Variants in ATF3 observed in about 807,000 individuals in gnomAD.
ATF3 encodes activating transcription factor 3.
In ATF3, 10 loss-of-function variants were observed where a neutral mutation model predicts 18.4. The observed-to-expected ratio is 0.54, with a 90% CI of 0.34 to 0.92. ATF3 has a LOEUF of 0.92. Among genes scored for constraint, ATF3 ranks in the 40% least tolerant of loss-of-function variants. The probability of loss-of-function intolerance (pLI) is 0.02; values close to 1 mark genes in which losing one functional copy is unlikely to be tolerated. For synonymous variants in ATF3, 78 were observed against 87.9 expected (o/e 0.89, Z 0.63); for missense variants, 183 against 222.3 (o/e 0.82, Z 1.12).
At chr1:212,599,868 C>T (rs1224743562) in intron 1 of ATF3, among the ~76,000 whole-genome samples, 1 of 152,168 alleles carries the variant, frequency 6.6e-6, no homozygotes, top group Non-Finnish European at 1.5e-5. Flanking sequence ...TTCTCCTTAC[C>T]AGCCCTGCCT....
chr1:212,576,054 C>T (rs1339224927), intron 1 of ATF3, among the ~76,000 whole-genome samples: 1 of 152,126 alleles, frequency 6.6e-6, no homozygotes, highest in African/African-American at 2.4e-5. Context: ...CAGGGCTTAT[C>T]TATTTCTTAA....
At chr1:212,577,518 T>C (rs758161457) in intron 1 of ATF3, among the ~76,000 whole-genome samples, 2 of 152,138 alleles carry the variant, frequency 1.3e-5, no homozygotes, top group Non-Finnish European at 1.5e-5. Context: ...TCCTTCTAAC[T>C]GAAATCTTAT....
chr1:212,577,373 C>T (rs562020771), intron 1 of ATF3, among the ~76,000 whole-genome samples: 12 of 152,186 alleles, frequency 7.9e-5, no homozygotes, highest in African/African-American at 2.4e-4. Flanking sequence ...AGCTAATTAA[C>T]GTGTACATTA....
chr1:212,577,170 A>G (rs1036362451), intron 1 of ATF3, among the ~76,000 whole-genome samples: 2 of 152,208 alleles, frequency 1.3e-5, no homozygotes, highest in Admixed American at 1.3e-4. Flanking sequence ...TGCACTTTGA[A>G]CATATTACCC....
chr1:212,615,575 CA>C (rs1655087460), intron 2 of ATF3, among the ~76,000 whole-genome samples: 1 of 151,798 alleles, frequency 6.6e-6, no homozygotes. Context: ...TTTGAGAGGC[CA>C]AGATGGGATT....
At chr1:212,579,993 A>T (rs1664650843) in intron 1 of ATF3, among the ~76,000 whole-genome samples, 2 of 151,922 alleles carry the variant, frequency 1.3e-5, no homozygotes, top group Non-Finnish European at 2.9e-5. Context: ...AAAAAAAAAA[A>T]AAACTTAGCT....
chr1:212,576,703 ATTCTTTTCTT>A (rs1204199110), intron 1 of ATF3, among the ~76,000 whole-genome samples: 1 of 108,264 alleles, frequency 9.2e-6, no homozygotes. Context: ...ATTAAAAAAT[ATTCTTTTCTT>A]TTCTTTTCTT....
chr1:212,572,724 A>G (rs141207748), intron 1 of ATF3, among the ~76,000 whole-genome samples: 1 of 152,326 alleles, frequency 6.6e-6, no homozygotes, highest in African/African-American at 2.4e-5. Context: ...TCCCAATAGC[A>G]TTTTATAATT....
chr1:212,569,875 A>G (rs1346736744), intron 1 of ATF3, among the ~76,000 whole-genome samples: 1 of 152,158 alleles, frequency 6.6e-6, no homozygotes, highest in African/African-American at 2.4e-5. Context: ...ATATTTCCTC[A>G]AAAAGAATCA....
intron 1 of ATF3, among the ~76,000 whole-genome samples, chr1:212,566,110 G>A (rs1478490545): frequency 6.6e-6 from 1 of 152,162 alleles, no homozygotes; most frequent in African/African-American, 2.4e-5. Flanking sequence ...AGGTTAGAGA[G>A]GAAAAGCCCT....
intron 1 of ATF3, among the ~76,000 whole-genome samples, chr1:212,612,768 C>T (rs569103916): frequency 6.6e-6 from 1 of 152,048 alleles, no homozygotes; most frequent in African/African-American, 2.4e-5. Flanking sequence ...TGTTAGATCT[C>T]CAGGGGGAGT....
upstream of ATF3, among the ~76,000 whole-genome samples, chr1:212,606,394 G>A (rs978219799): frequency 6.6e-6 from 1 of 152,222 alleles, no homozygotes; most frequent in Non-Finnish European, 1.5e-5. Context: ...AGAGTAATTA[G>A]AATGAAGCAA....
At position 212,620,102 on chromosome 1, in the gene ATF3, C is replaced by G. The variant is rs1218563783; in HGVS notation, c.*547C>G. 1 of 168,978 alleles carries G rather than the reference C, an allele frequency of 5.9e-6. No individual in the cohort carries two copies. 10.5% of individuals were successfully genotyped at this position (168,978 alleles called of 1,614,324 possible). On this transcript the variant is annotated 3_prime_UTR_variant, in exon 4 of 4. Coordinates refer to ENST00000341491, the MANE Select transcript of ATF3 (RefSeq NM_001674.4). ...GTACTCTTCCGATGTTTGTGTCACACAACACTGATGTGACTTTTATATGCT... is the reference window on the plus strand; with the variant it reads ...GTACTCTTCCGATGTTTGTGTCACAGAACACTGATGTGACTTTTATATGCT...
chr1:212,576,716 C>CA (rs1664583758), intron 1 of ATF3, among the ~76,000 whole-genome samples: 1 of 78,248 alleles, frequency 1.3e-5, no homozygotes, highest in African/African-American at 5.1e-5. Flanking sequence ...CTTTTCTTTT[C>CA]TTTTCTTTTT....
At chr1:212,608,409 G>T (rs1178564955), upstream of ATF3, among the ~76,000 whole-genome samples, 1 of 152,054 alleles carries the variant, frequency 6.6e-6, no homozygotes, top group East Asian at 1.9e-4. Context: ...GGGCACCATT[G>T]GTCATGCCTG....
intron 1 of ATF3, among the ~76,000 whole-genome samples, chr1:212,590,682 C>T (rs1397597682): frequency 2.6e-5 from 4 of 152,246 alleles, no homozygotes; most frequent in Admixed American, 6.5e-5. Flanking sequence ...GCCATAAATG[C>T]GGATACTCAT....
chr1:212,615,308 G>A (rs754901359), intron 2 of ATF3, 47 bp downstream of exon 2: 48 of 1,585,872 alleles, frequency 3.0e-5, no homozygotes, highest in South Asian at 2.6e-4. Context: ...TGTTTCGCTC[G>A]CAGCCACTGT....
At chr1:212,609,757 C>T (rs1654817361) in intron 1 of ATF3, among the ~76,000 whole-genome samples, 1 of 152,238 alleles carries the variant, frequency 6.6e-6, no homozygotes, top group Non-Finnish European at 1.5e-5. Flanking sequence ...GGTGTGGAGC[C>T]ACTTGTGCAG....
upstream of ATF3, among the ~76,000 whole-genome samples, chr1:212,606,978 C>A (rs1212145876): frequency 6.6e-6 from 1 of 152,084 alleles, no homozygotes; most frequent in African/African-American, 2.4e-5. Flanking sequence ...AGCGAAAACA[C>A]CCGCCCTGCA....
Sources: allele counts gnomAD v4.1 joint callset (sites outside exome capture counted in the v4.1 genomes callset), GRCh38; gene constraint gnomAD v4.1.1; transcripts MANE v1.5; gene names NCBI Gene and HGNC (gene_info 2026-07-23, HGNC 2026-07-21).